ZNF556: variants seen among roughly 807,000 people sequenced by gnomAD.
ZNF556 encodes zinc finger protein 556.
Under a neutral mutation model 13.6 loss-of-function variants are expected in ZNF556, and 11 were observed. The observed-to-expected ratio is 0.81, with a 90% CI of 0.51 to 1.33. ZNF556 has a LOEUF of 1.33. Ranked by LOEUF, ZNF556 falls within the 40% of genes most tolerant of loss-of-function variation. ZNF556 has a pLI of 0.00. For missense variants in ZNF556, 633 were observed against 566.2 expected (o/e 1.12, Z -1.20); for synonymous variants, 229 against 207.8 (o/e 1.10, Z -0.88).
chr19:2,867,744 C>G (rs1416796698), intron 1 of ZNF556, among the ~76,000 whole-genome samples: 2 of 144,588 alleles, frequency 1.4e-5, no homozygotes, highest in East Asian at 4.5e-4. Context: ...AAAAACCTCA[C>G]CCCAGCGAGG....
At chr19:2,873,133 C>A (rs1325364807) in intron 1 of ZNF556, among the ~76,000 whole-genome samples, 49 of 142,448 alleles carry the variant, frequency 3.4e-4, no homozygotes, top group South Asian at 6.7e-4. Context: ...GACTCCGTCT[C>A]AAAAAAAAAA....
At position 2,876,117 on chromosome 19, in the gene ZNF556, G is replaced by T; in HGVS notation, c.155G>T (p.Ser52Ile). ...SVDNEAQLKASGSISQQDTSG... is the reference protein window; with the variant it reads ...SVDNEAQLKAIGSISQQDTSG... ...GATAATGAGGCTCAGCTTAAAGCCA[G>T]TGGGTCTATTTCTCAGCAGGATACT... The change falls in exon 3 of 4, where the codon AGT becomes ATT. Residue 52 changes from serine (S) to isoleucine (I), a missense_variant. By Grantham distance (142) the Ser-to-Ile change is moderately radical (BLOSUM62 -2). Transcript: ENST00000307635. 6.2e-7 allele frequency: 1 copy of T among 1,610,560 alleles called. No homozygotes were observed. The highest frequency in any genetic ancestry group is 8.5e-7 in the Non-Finnish European group (1 of 1,179,172).
At chr19:2,876,778 A>G (rs961701356) in intron 3 of ZNF556, among the ~76,000 whole-genome samples, 2 of 152,062 alleles carry the variant, frequency 1.3e-5, no homozygotes, top group African/African-American at 2.4e-5. Context: ...ACATATTACT[A>G]TTGTTTTTGT....
At chr19:2,872,861 G>A (rs907480416) in intron 1 of ZNF556, among the ~76,000 whole-genome samples, 1 of 151,502 alleles carries the variant, frequency 6.6e-6, no homozygotes, top group Non-Finnish European at 1.5e-5. Flanking sequence ...GGCCGGGTGT[G>A]GTGGCTCACG....
chr19:2,880,373 C>T lies in ZNF556; in HGVS notation c.*2044C>T, dbSNP rs181350726. 1.1e-4 allele frequency: 16 copies of T among 152,214 alleles called. No individual in the cohort carries two copies. In the East Asian group the frequency reaches 2.9e-3, roughly 28 times the overall value. The allele number at this position is 152,214 out of a possible 1,614,324, so 9.4% of individuals were successfully genotyped here. Reference sequence around the variant, plus strand: ...AAATAGCCTATTTAACTGAGTTTTTCAAATAAGTTGTATACTAACAAATGT... The same window carrying T: ...AAATAGCCTATTTAACTGAGTTTTTTAAATAAGTTGTATACTAACAAATGT... On this transcript the variant is annotated 3_prime_UTR_variant, in exon 4 of 4. Coordinates refer to ENST00000307635, the MANE Select transcript of ZNF556 (RefSeq NM_024967.3).
At position 2,878,965 on chromosome 19, in the gene ZNF556, A is replaced by G. The variant is rs1599584599; in HGVS notation, c.*636A>G. ...TTAATATGCATTAACTTTAATTTTT[A>G]TATATTTTTTTTGTTACTCCGTGTG... On this transcript the variant is annotated 3_prime_UTR_variant, in exon 4 of 4. Coordinates refer to ENST00000307635, the MANE Select transcript of ZNF556 (RefSeq NM_024967.3). 1 of 152,060 alleles carries G rather than the reference A, an allele frequency of 6.6e-6. No individual in the cohort carries two copies. The highest frequency in any genetic ancestry group is 6.6e-5 in the Admixed American group (1 of 15,250). The allele number at this position is 152,060 out of a possible 1,614,324, so 9.4% of individuals were successfully genotyped here. A position where few individuals can be genotyped will look rare whatever the true frequency, so the allele number is the denominator to read the frequency against.
In ZNF556 at chr19:2,867,494, C is replaced by T. The variant is rs549762557; in HGVS notation, c.3+70C>T. 2.0e-5 allele frequency: 31 copies of T among 1,558,620 alleles called. No homozygotes were observed. The East Asian group carries it at 5.4e-4, about 27-fold the overall frequency. On this transcript the variant is annotated intron_variant, in intron 1 of 3. Coordinates refer to ENST00000307635, the MANE Select transcript of ZNF556 (RefSeq NM_024967.3). ...GGGAGGGTTGGAAGCGGCCAGAACA[C>T]GCTGAAACTCCCGGGGGAGCCGCCC... is the stretch of plus-strand genomic sequence containing the variant.
intron 2 of ZNF556, among the ~76,000 whole-genome samples, chr19:2,874,373 G>A (rs568802574): frequency 6.6e-6 from 1 of 152,218 alleles, no homozygotes; most frequent in South Asian, 2.1e-4. Flanking sequence ...TGATGTCCTG[G>A]ACCTAAAATT....
rs1348543009 is a variant in ZNF556 at position 2,873,734 on chromosome 19, A to G, written c.130+112A>G. The G allele has an allele frequency of 6.1e-6, 8 of 1,321,948 alleles. No homozygotes were observed. In the East Asian group the frequency reaches 1.9e-4, roughly 31 times the overall value. The allele number at this position is 1,321,948 out of a possible 1,614,324, so 81.9% of individuals were successfully genotyped here. The stretch of plus-strand genomic sequence containing the variant: ...TTTAGGAGGCTAAGGCAGGAGGATC[A>G]CTTGAGGCTAGGAGTTGACAACCAG... On this transcript the variant is annotated intron_variant, in intron 2 of 3. Coordinates refer to ENST00000307635, the MANE Select transcript of ZNF556 (RefSeq NM_024967.3).
chr19:2,872,363 A>C (rs1409608257), intron 1 of ZNF556, among the ~76,000 whole-genome samples: 1 of 151,650 alleles, frequency 6.6e-6, no homozygotes, highest in South Asian at 2.1e-4. Context: ...CCGCTAGACC[A>C]AGGAGCCCTC....
rs144505131 is a variant in ZNF556 at position 2,877,721 on chromosome 19, G to A, written c.763G>A (p.Gly255Arg). 847 of 1,613,734 alleles carry A rather than the reference G, an allele frequency of 5.2e-4. 6 individuals are homozygous for A. In the East Asian group the frequency reaches 9.2e-3, roughly 18 times the overall value. Residue 255 changes from glycine (G) to arginine (R), a missense_variant, in exon 4 of 4, where the codon GGA becomes AGA. Physicochemically the swap from Gly to Arg is moderately radical, Grantham distance 125. Transcript: ENST00000307635. ...TCGCGCACATGTGATGATGCACGCC[G>A]GAGGGAGACCGTATGAGTGCAAGCA... ...SFRAHVMMHA[G>R]GRPYECKHCG...
intron 2 of ZNF556, among the ~76,000 whole-genome samples, chr19:2,874,340 G>C (rs1367743073): frequency 6.6e-6 from 1 of 152,234 alleles, no homozygotes; most frequent in Non-Finnish European, 1.5e-5. Flanking sequence ...GAATACATTG[G>C]TTAATAAGAC....
intron 2 of ZNF556, among the ~76,000 whole-genome samples, chr19:2,873,956 C>G (rs2087827342): frequency 6.6e-6 from 1 of 151,480 alleles, no homozygotes; most frequent in African/African-American, 2.4e-5. Context: ...GACCCTGTCT[C>G]AAATAAAAAA....
At position 2,880,696 on chromosome 19, in the gene ZNF556, G is replaced by A. The variant is rs1254489005; in HGVS notation, c.*2367G>A. 8.2e-6 allele frequency: 1 copy of A among 122,016 alleles called. No individual in the cohort carries two copies. The highest frequency in any genetic ancestry group is 2.5e-5 in the African/African-American group (1 of 40,306). 7.6% of individuals were successfully genotyped at this position (122,016 alleles called of 1,614,324 possible). A position where few individuals can be genotyped will look rare whatever the true frequency, so the allele number is the denominator to read the frequency against. ...AGGAAGGAGAATGGCTTGAACCTGG[G>A]AGGCGGAGCTTGCCAAGATTGCGAC... On this transcript the variant is annotated 3_prime_UTR_variant, in exon 4 of 4. Transcript: ENST00000307635.
chr19:2,876,000 C>A (rs2144890346), intron 2 of ZNF556, 93 bp from the exon 3 acceptor site: 2 of 1,037,598 alleles, frequency 1.9e-6, no homozygotes, highest in South Asian at 3.2e-5. Context: ...AAAATAAAAT[C>A]ACATAATGAA....
intron 1 of ZNF556, among the ~76,000 whole-genome samples, chr19:2,871,518 C>T (rs1434018220): frequency 2.0e-5 from 3 of 152,112 alleles, no homozygotes; most frequent in African/African-American, 7.2e-5. Flanking sequence ...GTAATGTATA[C>T]TTGAAATACA....
At chr19:2,876,011 GTC>G in intron 2 of ZNF556, 80 bp from the exon 3 acceptor site, 1 of 1,141,284 alleles carries the variant, frequency 8.8e-7, no homozygotes, top group Non-Finnish European at 1.3e-6. Flanking sequence ...ACATAATGAA[GTC>G]ATGAAACAAT....
chr19:2,878,127 GAA>G lies in ZNF556; in HGVS notation c.1171_1172del (p.Lys391AlafsTer35). On this transcript the variant is annotated frameshift_variant, in exon 4 of 4. Coordinates refer to ENST00000307635, the MANE Select transcript of ZNF556 (RefSeq NM_024967.3). LOFTEE classifies it low-confidence loss of function (END_TRUNC). ...TCCTCATCTTTACACAAACATGAGA[GAA>G]AGCACACTGGGGAGAAACCTGTAAA... 1.9e-6 allele frequency: 3 copies of G among 1,614,180 alleles called. No individual in the cohort carries two copies. The highest frequency in any genetic ancestry group is 2.5e-6 in the Non-Finnish European group (3 of 1,180,022).
rs745843058 is a variant in ZNF556, at chr19:2,878,362, C to G, written c.*33C>G. 6 of 1,593,440 alleles carry G rather than the reference C, an allele frequency of 3.8e-6. No individual in the cohort carries two copies. Among genetic ancestry groups the G allele is most frequent in the Non-Finnish European group, 5.1e-6 (6 of 1,169,340 alleles). ...AAACCTGTGCAAATTAATTCACATA[C>G]ATGGTTCAGAAAATTCACAGCAGGA... On this transcript the variant is annotated 3_prime_UTR_variant, in exon 4 of 4. Coordinates refer to ENST00000307635, the MANE Select transcript of ZNF556 (RefSeq NM_024967.3).
Sources: gnomAD v4.1 joint callset for allele counts (sites outside exome capture counted in the v4.1 genomes callset) on GRCh38, gnomAD v4.1.1 for gene constraint, MANE v1.5 for transcripts, NCBI Gene and HGNC (gene_info 2026-07-23, HGNC 2026-07-21) for gene names.